The following TEX10 variants were observed in gnomAD, a reference collection of about 807,000 sequenced individuals.
The protein encoded by TEX10 is testis-expressed protein 10.
Under a neutral mutation model 104.4 loss-of-function variants are expected in TEX10, and 24 were observed. The observed-to-expected ratio is 0.23, with a 90% CI of 0.17 to 0.32. The LOEUF (loss-of-function observed/expected upper bound fraction) is 0.32. Ranked by LOEUF, TEX10 falls within the 10% of genes least tolerant of loss-of-function variation. The pLI is 1.00. For missense variants in TEX10, 921 were observed against 1,083.9 expected (o/e 0.85, Z 2.11); for synonymous variants, 396 against 393.4 (o/e 1.01, Z -0.08).
At chr9:100,333,616 A>C (rs1364507917) in intron 5 of TEX10, among the ~76,000 whole-genome samples, 2 of 146,374 alleles carry the variant, frequency 1.4e-5, no homozygotes, top group Admixed American at 6.9e-5. Flanking sequence ...CAGCCTGGAC[A>C]ACATAAGAAG....
Position 100,318,228 on chromosome 9 carries a change from G to T in TEX10, c.2202+2037C>A, listed in dbSNP as rs528155253. On this transcript the variant is annotated intron_variant, in intron 11 of 14. Coordinates refer to ENST00000374902, the MANE Select transcript of TEX10 (RefSeq NM_017746.4). ...GGAATTGACCTAAATGTTCACCAAC[G>T]TATGCGTGGATAAAGAAAATGTGAT... Among the ~76,000 whole-genome samples the T allele has an allele frequency of 5.3e-4, 81 of 152,304 alleles. 1 individual carries two copies. The South Asian group carries it at 0.013, about 24-fold the overall frequency.
chr9:100,313,863 G>A (rs4350037), intron 11 of TEX10, among the ~76,000 whole-genome samples: 11 of 147,656 alleles, frequency 7.4e-5, no homozygotes, highest in South Asian at 2.2e-4. Context: ...AAAAAAAAAA[G>A]AGACACACAC....
chr9:100,335,088 T>C (rs184803843), intron 5 of TEX10, among the ~76,000 whole-genome samples: 8 of 152,246 alleles, frequency 5.3e-5, no homozygotes, highest in African/African-American at 1.7e-4. Flanking sequence ...AGTAAGAAAT[T>C]CCCACAGGGC....
intron 12 of TEX10, among the ~76,000 whole-genome samples, chr9:100,308,930 T>C (rs1277860412): frequency 6.6e-6 from 1 of 152,212 alleles, no homozygotes; most frequent in Non-Finnish European, 1.5e-5. Flanking sequence ...CTCCCCTTCA[T>C]GACAGAATCT....
intron 12 of TEX10, among the ~76,000 whole-genome samples, chr9:100,309,506 T>C (rs1411312799): frequency 6.6e-6 from 1 of 152,094 alleles, no homozygotes; most frequent in African/African-American, 2.4e-5. Flanking sequence ...TCTAATTCTC[T>C]GGAGTGGAGG....
At position 100,346,713 on chromosome 9, in the gene TEX10, T is replaced by C; in HGVS notation, c.874A>G (p.Ser292Gly). The change falls in exon 3 of 15, where the codon AGT becomes GGT. Residue 292 changes from serine (S) to glycine (G), a missense_variant. Physicochemically the swap from Ser to Gly is moderately conservative, Grantham distance 56. Coordinates refer to ENST00000374902, the MANE Select transcript of TEX10 (RefSeq NM_017746.4). ...YENGGSQPNVSSQFRLRYLVG... is the reference protein window; with the variant it reads ...YENGGSQPNVGSQFRLRYLVG... ...TCTTACCGTAGCCTGAACTGTGAAC[T>C]GACATTTGGCTGTGAACCCCCATTT... is the stretch of plus-strand genomic sequence containing the variant. The C allele has an allele frequency of 6.2e-7, 1 of 1,612,842 alleles. No individual in the cohort carries two copies. The highest frequency in any genetic ancestry group is 8.5e-7 in the Non-Finnish European group (1 of 1,179,278).
chr9:100,309,326 CTG>C (rs917146996), intron 12 of TEX10, among the ~76,000 whole-genome samples: 2 of 152,124 alleles, frequency 1.3e-5, no homozygotes, highest in African/African-American at 2.4e-5. Context: ...TAACTTGTAA[CTG>C]TATATATACA....
chr9:100,313,775 C>T (rs1056948272), intron 11 of TEX10, among the ~76,000 whole-genome samples: 2 of 149,438 alleles, frequency 1.3e-5, no homozygotes, highest in Non-Finnish European at 3.0e-5. Flanking sequence ...ACCCAGGAGG[C>T]AGAGGTTGGC....
chr9:100,325,821 G>A (rs552337787), intron 9 of TEX10, among the ~76,000 whole-genome samples: 4 of 152,202 alleles, frequency 2.6e-5, no homozygotes, highest in African/African-American at 9.6e-5. Context: ...GAGCCACTAC[G>A]CCTGGCAAAA....
At chr9:100,328,070 TTATG>T in intron 7 of TEX10, 108 bp from the exon 8 acceptor site, 1 of 813,768 alleles carries the variant, frequency 1.2e-6, no homozygotes, top group Non-Finnish European at 1.7e-6. Context: ...AAGTGACTAA[TTATG>T]TATCAATAAT....
intron 12 of TEX10, among the ~76,000 whole-genome samples, chr9:100,309,521 GA>G (rs1175701744): frequency 6.6e-6 from 1 of 151,824 alleles, no homozygotes; most frequent in Non-Finnish European, 1.5e-5. Flanking sequence ...TGGAGGTAGG[GA>G]AAAAAAAGTG....
intron 11 of TEX10, among the ~76,000 whole-genome samples, chr9:100,315,257 A>G (rs951372482): frequency 2.0e-5 from 3 of 152,196 alleles, no homozygotes; most frequent in Admixed American, 6.5e-5. Context: ...AATATTCTAT[A>G]AATGTCTGTA....
intron 5 of TEX10, among the ~76,000 whole-genome samples, chr9:100,336,399 T>TGAG (rs1835010226): frequency 1.3e-5 from 2 of 152,152 alleles, no homozygotes; most frequent in Admixed American, 6.5e-5. Context: ...GCCTGAGCTC[T>TGAG]GCCTCCTGTC....
intron 10 of TEX10, among the ~76,000 whole-genome samples, chr9:100,320,917 C>T (rs1834554000): frequency 6.6e-6 from 1 of 152,222 alleles, no homozygotes; most frequent in Non-Finnish European, 1.5e-5. Context: ...GCCTAACCTA[C>T]ACAAACAAGC....
In TEX10 at chr9:100,346,731, C is replaced by G. The variant is rs771390639; in HGVS notation, c.856G>C (p.Gly286Arg). 2.5e-6 allele frequency: 4 copies of G among 1,613,740 alleles called. No individual in the cohort carries two copies. The highest frequency in any genetic ancestry group is 3.4e-6 in the Non-Finnish European group (4 of 1,179,882). ...TGTGAACTGACATTTGGCTGTGAAC[C>G]CCCATTTTCATAAACCTGGATGTGT... ...QQHIQVYENG[G>R]SQPNVSSQFR... Residue 286 changes from glycine to arginine, a missense_variant, in exon 3 of 15, where the codon GGT becomes CGT. By Grantham distance (125) the Gly-to-Arg change is moderately radical (BLOSUM62 -2). Coordinates refer to ENST00000374902, the MANE Select transcript of TEX10 (RefSeq NM_017746.4).
At position 100,335,774 on chromosome 9, in the gene TEX10, T is replaced by G. The variant is rs572794269; in HGVS notation, c.1250+4483A>C. ...ATAGATGGTGATGATCACACAATAT[T>G]GTGAAAGTACTTAATGCCACTGAAC... On this transcript the variant is annotated intron_variant, in intron 5 of 14. Transcript: ENST00000374902. Among the ~76,000 whole-genome samples, 6 of 152,226 alleles carry G rather than the reference T, an allele frequency of 3.9e-5. No individual in the cohort carries two copies. The East Asian group carries it at 1.2e-3, about 29-fold the overall frequency.
At chr9:100,321,618 TAGA>T (rs1359403800) in intron 10 of TEX10, 62 bp downstream of exon 10, 8 of 1,318,608 alleles carry the variant, frequency 6.1e-6, no homozygotes, top group Admixed American at 5.4e-5. Context: ...TGGCAAATCT[TAGA>T]AGGAGAATTG....
intron 5 of TEX10, among the ~76,000 whole-genome samples, chr9:100,331,093 T>A (rs971326725): frequency 8.8e-6 from 1 of 113,434 alleles, no homozygotes; most frequent in Non-Finnish European, 1.7e-5. Flanking sequence ...CTGTCTCTAC[T>A]AAATACAAAA....
At chr9:100,348,469 TC>T (rs1413872923) in intron 2 of TEX10, among the ~76,000 whole-genome samples, 3 of 152,190 alleles carry the variant, frequency 2.0e-5, no homozygotes, top group Non-Finnish European at 4.4e-5. Context: ...TTCTCAAACT[TC>T]AATTGACTTC....
Sources: allele counts gnomAD v4.1 joint callset (sites outside exome capture counted in the v4.1 genomes callset), GRCh38; gene constraint gnomAD v4.1.1; transcripts MANE v1.5; gene names NCBI Gene and HGNC (gene_info 2026-07-23, HGNC 2026-07-21).